Variants in DPP8 observed in about 807,000 individuals in gnomAD.
The protein encoded by DPP8 is DPP VIII.
In DPP8, 31 loss-of-function variants were observed where a neutral mutation model predicts 107.5. That is an observed-to-expected ratio of 0.29 (90% CI 0.22 to 0.39). DPP8 has a LOEUF of 0.39. Among genes scored for constraint, DPP8 ranks in the 10% least tolerant of loss-of-function variants. DPP8 has a pLI of 1.00. For missense variants in DPP8, 842 were observed against 1,076.1 expected (o/e 0.78, Z 3.04); for synonymous variants, 381 against 356.6 (o/e 1.07, Z -0.77).
chr15:65,485,301 T>C (rs2067298293), intron 7 of DPP8, 141 bp from the exon 8 acceptor site: 1 of 613,086 alleles, frequency 1.6e-6, no homozygotes, highest in Non-Finnish European at 2.9e-6. Context: ...CCCAGCACTT[T>C]GGCAGGTTGA....
rs1042759325 is a variant in DPP8 at position 65,444,775 on chromosome 15, G to C, written c.*2109C>G. On this transcript the variant is annotated 3_prime_UTR_variant, in exon 20 of 20. Coordinates refer to ENST00000300141, the MANE Select transcript of DPP8 (RefSeq NM_130434.5). The stretch of plus-strand genomic sequence containing the variant: ...TAAGAGATGCCACTTTGAAGAAACA[G>C]CCTTAATGGGTGAGAGGTTTCAATG... The C allele has an allele frequency of 2.0e-5, 3 of 152,208 alleles. No homozygotes were observed. The highest frequency in any genetic ancestry group is 7.2e-5 in the African/African-American group (3 of 41,458). 9.4% of individuals were successfully genotyped at this position (152,208 alleles called of 1,614,324 possible).
intron 16 of DPP8, chr15:65,455,875 C>A (rs1435960645): frequency 1.6e-6 from 2 of 1,286,608 alleles, no homozygotes; most frequent in Admixed American, 2.3e-5. Flanking sequence ...ACAAGGAAGG[C>A]ACTAACCAGT....
intron 3 of DPP8, among the ~76,000 whole-genome samples, chr15:65,501,587 A>C (rs76677720): frequency 4.4e-4 from 67 of 152,338 alleles, no homozygotes; most frequent in Non-Finnish European, 2.4e-4. Flanking sequence ...AATATGTACA[A>C]TGTTTAGCAC....
At chr15:65,496,618 AT>A (rs1363592115) in intron 5 of DPP8, among the ~76,000 whole-genome samples, 1 of 152,130 alleles carries the variant, frequency 6.6e-6, no homozygotes, top group Non-Finnish European at 1.5e-5. Flanking sequence ...TTTTTCTATT[AT>A]GACAATAACT....
At chr15:65,504,584 G>A (rs1280474115) in intron 3 of DPP8, among the ~76,000 whole-genome samples, 9 of 140,288 alleles carry the variant, frequency 6.4e-5, no homozygotes, top group African/African-American at 2.4e-4. Flanking sequence ...CAGGAGAATC[G>A]CTTGAACCTG....
intron 17 of DPP8, 37 bp downstream of exon 17, chr15:65,454,226 C>T (rs2064215688): frequency 1.4e-6 from 2 of 1,417,242 alleles, no homozygotes; most frequent in South Asian, 3.4e-5. Flanking sequence ...AAAATCTACC[C>T]TTATTGCAAA....
chr15:65,490,438 G>A (rs2067911956), intron 5 of DPP8, 139 bp from the exon 6 acceptor site: 3 of 663,774 alleles, frequency 4.5e-6, no homozygotes, highest in Non-Finnish European at 5.3e-6. Flanking sequence ...TTCAAATCTG[G>A]GGTCCATAAT....
At chr15:65,472,820 G>A (rs916917620) in intron 12 of DPP8, among the ~76,000 whole-genome samples, 1 of 152,090 alleles carries the variant, frequency 6.6e-6, no homozygotes, top group East Asian at 1.9e-4. Flanking sequence ...CAGGTGGATT[G>A]CTTTAGCTCA....
At chr15:65,496,785 G>C (rs527946262) in intron 5 of DPP8, among the ~76,000 whole-genome samples, 1 of 151,852 alleles carries the variant, frequency 6.6e-6, no homozygotes, top group African/African-American at 2.4e-5. Flanking sequence ...TAAGTAGCTG[G>C]GACTACTGGC....
At position 65,508,530 on chromosome 15, in the gene DPP8, T is replaced by A. The variant is rs186394597; in HGVS notation, c.260-1175A>T. Among the ~76,000 whole-genome samples the A allele has an allele frequency of 2.8e-3, 432 of 151,978 alleles. 1 individual carries two copies. Among genetic ancestry groups the A allele is most frequent in the Middle Eastern group, 6.8e-3 (2 of 294 alleles). On this transcript the variant is annotated intron_variant, in intron 2 of 19. Transcript: ENST00000300141. ...ATGAAGATATGAACCAAAGAAAACATAAGGTAAAACAAAGCCTTTCTATTC... is the reference window on the plus strand; with the variant it reads ...ATGAAGATATGAACCAAAGAAAACAAAAGGTAAAACAAAGCCTTTCTATTC...
intron 19 of DPP8, among the ~76,000 whole-genome samples, chr15:65,448,873 T>C (rs1595834013): frequency 4.2e-4 from 5 of 11,870 alleles, no homozygotes; most frequent in Admixed American, 1.7e-3. Flanking sequence ...AAAATATATA[T>C]ATATATATAT....
rs1257105703 is a variant in DPP8, at chr15:65,444,764, T to C, written c.*2120A>G. 2 of 152,216 alleles carry C rather than the reference T, an allele frequency of 1.3e-5. No homozygotes were observed. Among genetic ancestry groups the C allele is most frequent in the Non-Finnish European group, 2.9e-5 (2 of 68,044 alleles). 9.4% of individuals were successfully genotyped at this position (152,216 alleles called of 1,614,324 possible). A position where few individuals can be genotyped will look rare whatever the true frequency, so the allele number is the denominator to read the frequency against. On this transcript the variant is annotated 3_prime_UTR_variant, in exon 20 of 20. Coordinates refer to ENST00000300141, the MANE Select transcript of DPP8 (RefSeq NM_130434.5). ...TTTCGGTAAAATAAGAGATGCCACT[T>C]TGAAGAAACAGCCTTAATGGGTGAG... is the stretch of plus-strand genomic sequence containing the variant.
intron 1 of DPP8, chr15:65,516,648 T>A (rs899223219): frequency 6.6e-6 from 1 of 152,206 alleles, no homozygotes; most frequent in Non-Finnish European, 1.5e-5. Flanking sequence ...ATAGAGCATG[T>A]TGACTCAGAA....
At chr15:65,450,965 A>T in intron 19 of DPP8, 34 bp downstream of exon 19, 1 of 1,265,938 alleles carries the variant, frequency 7.9e-7, no homozygotes, top group Non-Finnish European at 1.1e-6. Context: ...ACTAATCATG[A>T]CTGCATTTAA....
chr15:65,514,009 A>G lies in DPP8; in HGVS notation c.-11-1445T>C, dbSNP rs144939516. On this transcript the variant is annotated intron_variant, in intron 1 of 19. Coordinates refer to ENST00000300141, the MANE Select transcript of DPP8 (RefSeq NM_130434.5). Reference sequence around the variant, plus strand: ...ATTAACTACTTCTATAATAATAAATACAAGGCTGTACATTTAATATATCTT... The same window carrying G: ...ATTAACTACTTCTATAATAATAAATGCAAGGCTGTACATTTAATATATCTT... 9.9e-3 allele frequency among the ~76,000 whole-genome samples: 1,502 copies of G among 152,362 alleles called. 19 individuals are homozygous for G. Among genetic ancestry groups the G allele is most frequent in the South Asian group, 0.046 (223 of 4,826 alleles).
chr15:65,515,686 T>C lies in DPP8; in HGVS notation c.-12+1800A>G, dbSNP rs74021117. The C allele has an allele frequency of 5.9e-4, 946 of 1,613,960 alleles. 5 individuals carry two copies. In the African/African-American group the frequency reaches 0.012, roughly 20 times the overall value. On this transcript the variant is annotated intron_variant, in intron 1 of 19. Coordinates refer to ENST00000300141, the MANE Select transcript of DPP8 (RefSeq NM_130434.5). The stretch of plus-strand genomic sequence containing the variant: ...TTTATTTTCATCTGCTCAGATCTCT[T>C]CCACATTCAAAGAGATCTTTTTCAA...
chr15:65,485,017 A>G, intron 8 of DPP8, 82 bp downstream of exon 8: 1 of 1,124,416 alleles, frequency 8.9e-7, no homozygotes, highest in South Asian at 1.3e-5. Flanking sequence ...GTCCAAAAAT[A>G]AAAAAGTGTA....
chr15:65,457,873 A>T (rs1220968035), intron 15 of DPP8, among the ~76,000 whole-genome samples: 1 of 151,070 alleles, frequency 6.6e-6, no homozygotes, highest in African/African-American at 2.4e-5. Context: ...AGTTCACTAC[A>T]GCCTCGAACT....
intron 12 of DPP8, among the ~76,000 whole-genome samples, chr15:65,470,430 A>AC (rs1170561945): frequency 1.3e-5 from 2 of 151,232 alleles, no homozygotes; most frequent in African/African-American, 4.9e-5. Flanking sequence ...ACATGGTGAA[A>AC]CCCCGTCTCT....
Sources: gnomAD v4.1 joint callset for allele counts (sites outside exome capture counted in the v4.1 genomes callset) on GRCh38, gnomAD v4.1.1 for gene constraint, MANE v1.5 for transcripts, NCBI Gene and HGNC (gene_info 2026-07-23, HGNC 2026-07-21) for gene names.